The following ART3 variants were observed in gnomAD, a reference collection of about 807,000 sequenced individuals.
ART3 encodes ecto-ADP-ribosyltransferase 3.
In ART3, 49 loss-of-function variants were observed where a neutral mutation model predicts 48.5. That is an observed-to-expected ratio of 1.01 (90% confidence interval 0.80 to 1.28). The LOEUF is 1.28. Ranked by LOEUF, ART3 falls within the 50% of genes most tolerant of loss-of-function variation. The pLI is 0.00. For missense variants in ART3, 438 were observed against 454.3 expected (o/e 0.96, Z 0.33); for synonymous variants, 145 against 157.2 (o/e 0.92, Z 0.58).
intron 1 of ART3, among the ~76,000 whole-genome samples, chr4:76,027,943 A>G (rs1733554893): frequency 6.6e-6 from 1 of 152,142 alleles, no homozygotes; most frequent in Non-Finnish European, 1.5e-5. Context: ...GATGAAAATT[A>G]AAAGACAGTG....
Position 76,082,541 on chromosome 4 carries a change from T to C in ART3, c.781+6T>C, listed in dbSNP as rs1190462099. ...TGAGTGTGCATTTCTAGGTGGTAAG[T>C]GTCTGCTCTGTCTGTGCTTGGCTGG... On this transcript the variant is annotated splice_donor_region_variant and intron_variant, in intron 3 of 11. Coordinates refer to ENST00000355810, the MANE Select transcript of ART3 (RefSeq NM_001130016.3). 2 of 1,550,906 alleles carry C rather than the reference T, an allele frequency of 1.3e-6. No individual in the cohort carries two copies. The highest frequency in any genetic ancestry group is 1.9e-5 in the Admixed American group (1 of 53,994).
upstream of ART3, among the ~76,000 whole-genome samples, chr4:76,073,392 T>C (rs1354216885): frequency 6.6e-6 from 1 of 152,168 alleles, no homozygotes; most frequent in Non-Finnish European, 1.5e-5. Flanking sequence ...TCCTGCTTTT[T>C]AAAAAATCAT....
Position 76,078,214 on chromosome 4 carries a change from C to T in ART3, c.69+2256C>T, listed in dbSNP as rs189926278. Among the ~76,000 whole-genome samples the T allele has an allele frequency of 2.1e-4, 32 of 151,740 alleles. No individual in the cohort carries two copies. In the East Asian group the frequency reaches 5.0e-3, roughly 24 times the overall value. On this transcript the variant is annotated intron_variant, in intron 2 of 11. Transcript: ENST00000355810. ...ATGAACTTTGTCACTGCTCAAGGCA[C>T]GCACCATACAAAATACACAATCAGC...
rs531770568 is a variant in ART3, at chr4:76,112,672, A to G, written c.*153A>G. ...TTGTTATTCATTTTGCAAATTCAGAAAGTTGGTCCAGATATATGTCACAGA... is the reference window on the plus strand; with the variant it reads ...TTGTTATTCATTTTGCAAATTCAGAGAGTTGGTCCAGATATATGTCACAGA... On this transcript the variant is annotated 3_prime_UTR_variant, in exon 12 of 12. Coordinates refer to ENST00000355810, the MANE Select transcript of ART3 (RefSeq NM_001130016.3). 4.5e-6 allele frequency: 4 copies of G among 896,074 alleles called. No individual in the cohort carries two copies. Among genetic ancestry groups the G allele is most frequent in the South Asian group, 2.3e-5 (1 of 43,960 alleles). 55.5% of individuals were successfully genotyped at this position (896,074 alleles called of 1,614,324 possible). A position where few individuals can be genotyped will look rare whatever the true frequency, so the allele number is the denominator to read the frequency against.
chr4:76,104,620 C>A lies in ART3; in HGVS notation c.994C>A (p.Pro332Thr). ...AGGAATGAAAATTCCAGAACCTTTT[C>A]CACTACCTGGTAAGCAACTGATAGG... ...IPGMKIPEPF[P>T]LPEDKSQGNI... The change falls in exon 10 of 12, where the codon CCA becomes ACA. Residue 332 changes from proline (P) to threonine (T), a missense_variant. Physicochemically the swap from Pro to Thr is conservative, Grantham distance 38. This residue lies in a region of ART3 where 227 missense variants were observed against 229.6 expected (regional missense o/e 0.99). Transcript: ENST00000355810. The A allele has an allele frequency of 6.4e-7, 1 of 1,551,572 alleles. No homozygotes were observed. Among genetic ancestry groups the A allele is most frequent in the Non-Finnish European group, 8.7e-7 (1 of 1,146,910 alleles).
intron 1 of ART3, among the ~76,000 whole-genome samples, chr4:76,043,202 C>T (rs1224942032): frequency 1.3e-5 from 2 of 152,106 alleles, no homozygotes; most frequent in Non-Finnish European, 2.9e-5. Flanking sequence ...TCCACGTCCC[C>T]ACCAGACTCA....
chr4:76,089,527 C>A (rs1442368426), intron 3 of ART3, among the ~76,000 whole-genome samples: 1 of 152,144 alleles, frequency 6.6e-6, no homozygotes, highest in Non-Finnish European at 1.5e-5. Context: ...CACCTTATGC[C>A]ATGAGTGTAA....
intron 1 of ART3, among the ~76,000 whole-genome samples, chr4:76,041,781 G>A (rs949087220): frequency 2.0e-5 from 3 of 152,116 alleles, no homozygotes; most frequent in Non-Finnish European, 4.4e-5. Context: ...TTATTCATTT[G>A]GCATGTATTA....
intron 1 of ART3, among the ~76,000 whole-genome samples, chr4:76,013,734 T>C (rs1161102940): frequency 1.3e-5 from 2 of 152,256 alleles, no homozygotes; most frequent in African/African-American, 4.8e-5. Flanking sequence ...TTTTGACAGA[T>C]TGCTTGCCAG....
intron 1 of ART3, among the ~76,000 whole-genome samples, chr4:76,029,661 T>C (rs1223717384): frequency 6.6e-6 from 1 of 150,424 alleles, no homozygotes; most frequent in Non-Finnish European, 1.5e-5. Flanking sequence ...GCTATGAAAA[T>C]CTTTTCAGAA....
chr4:76,065,197 AC>A (rs1384452526), intron 1 of ART3, among the ~76,000 whole-genome samples: 5 of 152,192 alleles, frequency 3.3e-5, no homozygotes, highest in Non-Finnish European at 1.5e-5. Flanking sequence ...ACTTCTTAAC[AC>A]CACAAAGTTC....
chr4:76,034,917 G>A, intron 1 of ART3: 1 of 1,343,224 alleles, frequency 7.4e-7, no homozygotes, highest in East Asian at 2.3e-5. Context: ...TACAACCAAG[G>A]ACCCCTTAAC....
At chr4:76,042,865 T>C (rs1326448125) in intron 1 of ART3, among the ~76,000 whole-genome samples, 3 of 152,026 alleles carry the variant, frequency 2.0e-5, no homozygotes, top group African/African-American at 7.2e-5. Context: ...TCGGGCAGCC[T>C]GCTTTTATTC....
At chr4:76,062,085 A>G (rs1578374190) in intron 1 of ART3, among the ~76,000 whole-genome samples, 1 of 142,112 alleles carries the variant, frequency 7.0e-6, no homozygotes, top group East Asian at 2.3e-4. Context: ...CTAAAGAGTT[A>G]CTTCAGAAGA....
At chr4:76,089,864 G>A (rs374775329) in intron 3 of ART3, among the ~76,000 whole-genome samples, 9 of 152,136 alleles carry the variant, frequency 5.9e-5, no homozygotes, top group African/African-American at 1.9e-4. Flanking sequence ...GGCAGATCAC[G>A]GGGTCAGGTG....
chr4:76,085,824 C>T (rs6849653), intron 3 of ART3, among the ~76,000 whole-genome samples: 21,525 of 152,100 alleles, frequency 0.14, 2,235 homozygotes, highest in African/African-American at 0.28. Context: ...GTAATCCCAG[C>T]GCTTTGGGAG....
intron 1 of ART3, among the ~76,000 whole-genome samples, chr4:76,014,437 T>A (rs1204804351): frequency 1.3e-5 from 2 of 152,104 alleles, no homozygotes; most frequent in Non-Finnish European, 2.9e-5. Flanking sequence ...AACAGCAGTT[T>A]TGAGCCAGCA....
At chr4:76,023,470 A>G (rs1172405793) in intron 1 of ART3, 2 of 1,574,260 alleles carry the variant, frequency 1.3e-6, no homozygotes, top group Non-Finnish European at 1.7e-6. Context: ...TAGGCTCAGA[A>G]TATGTCTAAG....
At chr4:76,025,666 T>C (rs1051756701) in intron 1 of ART3, among the ~76,000 whole-genome samples, 5 of 152,328 alleles carry the variant, frequency 3.3e-5, no homozygotes, top group Non-Finnish European at 5.9e-5. Flanking sequence ...ATATACTCTT[T>C]TGTGCAAGAC....
Sources: allele counts gnomAD v4.1 joint callset (sites outside exome capture counted in the v4.1 genomes callset), GRCh38; gene constraint gnomAD v4.1.1; regional missense constraint gnomAD v4.1.1; transcripts MANE v1.5; gene names NCBI Gene and HGNC (gene_info 2026-07-23, HGNC 2026-07-21).